Variants in LARP4B observed in about 807,000 individuals in gnomAD.
The protein encoded by LARP4B is la-related protein 4B.
LARP4B carries 12 observed loss-of-function variants against 89.8 expected under a neutral mutation model. The observed-to-expected ratio is 0.13, with a 90% CI of 0.09 to 0.22. The LOEUF is 0.22. Among genes scored for constraint, LARP4B ranks in the 10% least tolerant of loss-of-function variants. The pLI is 1.00. For synonymous variants in LARP4B, 367 were observed against 363.3 expected, an observed-to-expected ratio of 1.01 and a Z score of -0.12; for missense variants, 757 against 947.7, an observed-to-expected ratio of 0.80 and a Z score of 2.64.
In LARP4B at chr10:922,308, G is replaced by A. The variant is rs147443930; in HGVS notation, c.-40+9120C>T. On this transcript the variant is annotated intron_variant, in intron 1 of 17. Coordinates refer to ENST00000316157, the MANE Select transcript of LARP4B (RefSeq NM_015155.3). ...TGCTGCTCACCTCCTGCTGTGCAGCGCAGTTCCTACCAGGCCATGATGGGT... is the reference window on the plus strand; with the variant it reads ...TGCTGCTCACCTCCTGCTGTGCAGCACAGTTCCTACCAGGCCATGATGGGT... 4.8e-4 allele frequency among the ~76,000 whole-genome samples: 73 copies of A among 152,330 alleles called. No homozygotes were observed. In the East Asian group the frequency reaches 7.7e-3, roughly 16 times the overall value.
At chr10:913,670 C>CA (rs1247859026) in intron 1 of LARP4B, among the ~76,000 whole-genome samples, 10 of 152,182 alleles carry the variant, frequency 6.6e-5, no homozygotes, top group African/African-American at 1.9e-4. Flanking sequence ...GGGCCGGGTG[C>CA]AGTGGCTCAC....
chr10:948,205 T>G, the LARP4B span, among the ~76,000 whole-genome samples: 1 of 152,178 alleles, frequency 6.6e-6, no homozygotes. Flanking sequence ...CGCTGCCTGG[T>G]TTTTAAAATT....
intron 13 of LARP4B, among the ~76,000 whole-genome samples, chr10:821,361 G>A (rs1305250354): frequency 6.6e-6 from 1 of 152,170 alleles, no homozygotes; most frequent in Non-Finnish European, 1.5e-5. Context: ...AACCACACAA[G>A]GACCTCTGTG....
At chr10:845,076 A>C (rs528582886) in intron 5 of LARP4B, 21 bp from the exon 6 acceptor site, 1 of 1,576,616 alleles carries the variant, frequency 6.3e-7, no homozygotes, top group East Asian at 2.2e-5. Context: ...GTAATAATCA[A>C]CTTAGGAAAA....
At chr10:920,626 A>T (rs760560110) in intron 1 of LARP4B, among the ~76,000 whole-genome samples, 10 of 151,942 alleles carry the variant, frequency 6.6e-5, no homozygotes, top group Non-Finnish European at 1.5e-4. Flanking sequence ...CTATAAAAAT[A>T]AGCTGGGCAT....
intron 1 of LARP4B, among the ~76,000 whole-genome samples, chr10:919,126 A>C (rs1169056318): frequency 6.6e-6 from 1 of 152,202 alleles, no homozygotes; most frequent in African/African-American, 2.4e-5. Flanking sequence ...TACTTTGTTT[A>C]ACAGTAATTA....
chr10:886,591 T>C (rs530852811), intron 1 of LARP4B, among the ~76,000 whole-genome samples: 1 of 152,272 alleles, frequency 6.6e-6, no homozygotes, highest in Admixed American at 6.5e-5. Context: ...TTGGGATGTG[T>C]GTATCTGTCT....
intron 1 of LARP4B, among the ~76,000 whole-genome samples, chr10:897,363 C>T (rs1348472524): frequency 6.6e-6 from 1 of 152,122 alleles, no homozygotes; most frequent in African/African-American, 2.4e-5. Flanking sequence ...TCAACATACA[C>T]AAAAATTAAG....
chr10:932,778 A>C, upstream of LARP4B, among the ~76,000 whole-genome samples: 2 of 123,380 alleles, frequency 1.6e-5, no homozygotes, highest in Admixed American at 8.0e-5. Flanking sequence ...TCCCAACCCC[A>C]CACCCGGGAC....
At chr10:927,323 C>T (rs968881435) in intron 1 of LARP4B, among the ~76,000 whole-genome samples, 3 of 152,086 alleles carry the variant, frequency 2.0e-5, no homozygotes, top group South Asian at 2.1e-4. Context: ...GGAAACACAG[C>T]TGAGTTAATA....
chr10:923,052 G>A (rs1272368249), intron 1 of LARP4B, among the ~76,000 whole-genome samples: 1 of 151,390 alleles, frequency 6.6e-6, no homozygotes. Flanking sequence ...TCCAGCCTGG[G>A]AAACAGGTGA....
At chr10:867,862 G>GAAA (rs903762145) in intron 3 of LARP4B, among the ~76,000 whole-genome samples, 7 of 43,364 alleles carry the variant, frequency 1.6e-4, no homozygotes, top group Admixed American at 2.7e-4. Context: ...CTCCATCCTT[G>GAAA]AAAAAAAAAA....
At chr10:978,659 C>CT in the LARP4B span, among the ~76,000 whole-genome samples, 1 of 152,174 alleles carries the variant, frequency 6.6e-6, no homozygotes, top group Non-Finnish European at 1.5e-5. Flanking sequence ...ACCTAGAACT[C>CT]TTAACTCTAT....
intron 1 of LARP4B, among the ~76,000 whole-genome samples, chr10:892,845 T>C (rs1836072520): frequency 6.6e-6 from 1 of 150,552 alleles, no homozygotes; most frequent in Non-Finnish European, 1.5e-5. Context: ...GGCAAAATTA[T>C]TGTTAATTTA....
chr10:970,974 ACAT>A, the LARP4B span, among the ~76,000 whole-genome samples: 1 of 152,214 alleles, frequency 6.6e-6, no homozygotes, highest in African/African-American at 2.4e-5. Flanking sequence ...GTGTCAGAGG[ACAT>A]CATCAGTGTT....
At chr10:920,833 G>A (rs1040447165) in intron 1 of LARP4B, among the ~76,000 whole-genome samples, 2 of 152,158 alleles carry the variant, frequency 1.3e-5, no homozygotes, top group African/African-American at 2.4e-5. Flanking sequence ...GACTGATAAC[G>A]ATGGAACTGA....
At chr10:918,247 G>T (rs750027519) in intron 1 of LARP4B, among the ~76,000 whole-genome samples, 32 of 152,132 alleles carry the variant, frequency 2.1e-4, no homozygotes, top group Non-Finnish European at 4.6e-4. Context: ...GAGCAACTTG[G>T]TCTATGCTCC....
chr10:913,602 G>T (rs2132027507), intron 1 of LARP4B, among the ~76,000 whole-genome samples: 1 of 152,286 alleles, frequency 6.6e-6, no homozygotes, highest in East Asian at 1.9e-4. Flanking sequence ...TTGAGATGAT[G>T]GCTAACTTTG....
chr10:809,744 G>A lies in LARP4B; in HGVS notation c.*3182C>T, dbSNP rs966475730. On this transcript the variant is annotated 3_prime_UTR_variant, in exon 18 of 18. Coordinates refer to ENST00000316157, the MANE Select transcript of LARP4B (RefSeq NM_015155.3). ...GCGCTGTGAGCTGCTGGCGGCCAGCGCCCTCGCCTCGATTGTCTGCAGCCC... is the reference window on the plus strand; with the variant it reads ...GCGCTGTGAGCTGCTGGCGGCCAGCACCCTCGCCTCGATTGTCTGCAGCCC... 2.0e-5 allele frequency: 3 copies of A among 152,782 alleles called. No homozygotes were observed. The highest frequency in any genetic ancestry group is 2.1e-4 in the South Asian group (1 of 4,834). The allele number at this position is 152,782 out of a possible 1,614,324, so 9.5% of individuals were successfully genotyped here. A position where few individuals can be genotyped will look rare whatever the true frequency, so the allele number is the denominator to read the frequency against.
Sources: allele counts gnomAD v4.1 joint callset (sites outside exome capture counted in the v4.1 genomes callset), GRCh38; gene constraint gnomAD v4.1.1; transcripts MANE v1.5; gene names NCBI Gene and HGNC (gene_info 2026-07-23, HGNC 2026-07-21).